Variants in ZNF385D observed in about 807,000 individuals in gnomAD.
ZNF385D encodes the protein zinc finger protein 385D.
Under a neutral mutation model 35.8 loss-of-function variants are expected in ZNF385D, and 15 were observed. That is an observed-to-expected ratio of 0.42 (90% CI 0.28 to 0.64). The LOEUF (loss-of-function observed/expected upper bound fraction) is 0.64. Among genes scored for constraint, ZNF385D ranks in the 30% least tolerant of loss-of-function variants. ZNF385D has a pLI of 0.23. For synonymous variants in ZNF385D, 212 were observed against 186.8 expected (o/e 1.13, Z -1.10); for missense variants, 474 against 494.6 (o/e 0.96, Z 0.39).
chr3:22,191,925 T>C (rs921192735), intron 2 of ZNF385D, among the ~76,000 whole-genome samples: 11 of 152,106 alleles, frequency 7.2e-5, no homozygotes, highest in African/African-American at 1.7e-4. Context: ...AAAACAATGG[T>C]AATTTCCAGA....
chr3:22,061,142 T>C (rs1482949862), intron 3 of ZNF385D, among the ~76,000 whole-genome samples: 1 of 151,596 alleles, frequency 6.6e-6, no homozygotes, highest in African/African-American at 2.4e-5. Flanking sequence ...AATTAAATAG[T>C]TGCAAAGAAT....
rs145504147 is a variant in ZNF385D at position 21,898,636 on chromosome 3, T to C, written c.326-233608A>G. ...TGTGAATGTGTCAGTTAGGAAGCAT[T>C]AGCCAAAGTAACACAAGCCAACTAA... On this transcript the variant is annotated intron_variant, in intron 3 of 5. Coordinates refer to the ZNF385D transcript ENST00000494108. 1.4e-3 allele frequency among the ~76,000 whole-genome samples: 214 copies of C among 152,270 alleles called. 2 individuals are homozygous for C. The highest frequency in any genetic ancestry group is 5.0e-3 in the African/African-American group (206 of 41,564).
chr3:21,928,951 G>A (rs1351351377), intron 3 of ZNF385D, among the ~76,000 whole-genome samples: 1 of 152,086 alleles, frequency 6.6e-6, no homozygotes, highest in South Asian at 2.1e-4. Context: ...AACAGAGAAG[G>A]TGAGAACATT....
At chr3:21,489,789 C>T (rs1056319729) in intron 4 of ZNF385D, among the ~76,000 whole-genome samples, 1 of 152,078 alleles carries the variant, frequency 6.6e-6, no homozygotes, top group African/African-American at 2.4e-5. Flanking sequence ...CTAGGAAGTT[C>T]CTGGTTCCAG....
At chr3:22,069,607 AT>A (rs1700134009) in intron 3 of ZNF385D, among the ~76,000 whole-genome samples, 2 of 152,158 alleles carry the variant, frequency 1.3e-5, no homozygotes, top group African/African-American at 4.8e-5. Flanking sequence ...ATCTAGTGGA[AT>A]TTTTTGGCCT....
chr3:22,306,704 A>G (rs888218545), intron 2 of ZNF385D, among the ~76,000 whole-genome samples: 2 of 152,078 alleles, frequency 1.3e-5, no homozygotes, highest in Non-Finnish European at 2.9e-5. Context: ...TTAGCATGAG[A>G]ATTGTCAGAG....
rs373751208 is a variant in ZNF385D at position 21,553,769 on chromosome 3, C to T, written c.276+10805G>A. On this transcript the variant is annotated intron_variant, in intron 3 of 7. Coordinates refer to ENST00000281523, the MANE Select transcript of ZNF385D (RefSeq NM_024697.3). The stretch of plus-strand genomic sequence containing the variant: ...TCTAAATTCTTTGTTGTCATTTCAA[C>T]AGCGTTCACAGCATCTTCATCAGCA... Among the ~76,000 whole-genome samples the T allele has an allele frequency of 3.2e-4, 49 of 152,284 alleles. 1 individual carries two copies. In the East Asian group the frequency reaches 7.5e-3, roughly 23 times the overall value.
At chr3:21,541,428 T>C (rs1048121331) in intron 3 of ZNF385D, among the ~76,000 whole-genome samples, 6 of 152,168 alleles carry the variant, frequency 3.9e-5, no homozygotes, top group Non-Finnish European at 8.8e-5. Context: ...TGGAGACACT[T>C]GAGAAAGGTA....
At chr3:21,799,083 C>T (rs2072282474) in intron 3 of ZNF385D, among the ~76,000 whole-genome samples, 1 of 152,122 alleles carries the variant, frequency 6.6e-6, no homozygotes, top group South Asian at 2.1e-4. Context: ...TGACGTAATT[C>T]ACTTAGCATG....
At chr3:22,252,262 G>A (rs1464775315) in intron 2 of ZNF385D, among the ~76,000 whole-genome samples, 4 of 151,926 alleles carry the variant, frequency 2.6e-5, no homozygotes, top group African/African-American at 7.2e-5. Context: ...TTGAGGGGAG[G>A]GGCACTGGTC....
chr3:21,885,748 G>C (rs932771087), intron 3 of ZNF385D, among the ~76,000 whole-genome samples: 2 of 138,290 alleles, frequency 1.4e-5, no homozygotes, highest in African/African-American at 5.8e-5. Flanking sequence ...GTCTGTGTGT[G>C]TGTGTGTGTG....
intron 3 of ZNF385D, among the ~76,000 whole-genome samples, chr3:21,864,044 C>T (rs1284495480): frequency 6.6e-6 from 1 of 152,046 alleles, no homozygotes; most frequent in African/African-American, 2.4e-5. Flanking sequence ...AAGTAGTTTC[C>T]TCACAATAAA....
At chr3:21,676,326 G>A (rs2066722475) in intron 1 of ZNF385D, among the ~76,000 whole-genome samples, 1 of 152,074 alleles carries the variant, frequency 6.6e-6, no homozygotes, top group Non-Finnish European at 1.5e-5. Context: ...GCTGACTTGA[G>A]CTCTGTTTAG....
At chr3:22,244,364 TAAAAAAAAA>T (rs34497539) in intron 2 of ZNF385D, among the ~76,000 whole-genome samples, 4 of 62,558 alleles carry the variant, frequency 6.4e-5, no homozygotes, top group Non-Finnish European at 9.4e-5. Context: ...CAACCGAATG[TAAAAAAAAA>T]AAAAAAAAAA....
chr3:21,839,978 TG>T (rs1303627665), intron 3 of ZNF385D, among the ~76,000 whole-genome samples: 2 of 152,108 alleles, frequency 1.3e-5, no homozygotes, highest in African/African-American at 2.4e-5. Context: ...GTTTGATGCT[TG>T]TGCCTATACT....
At chr3:22,299,457 A>G (rs1190326397) in intron 2 of ZNF385D, among the ~76,000 whole-genome samples, 2 of 151,812 alleles carry the variant, frequency 1.3e-5, no homozygotes, top group African/African-American at 4.8e-5. Flanking sequence ...AAAACAAATC[A>G]TAATTTGAAA....
chr3:21,976,495 A>G (rs543336623), intron 3 of ZNF385D, among the ~76,000 whole-genome samples: 1 of 152,290 alleles, frequency 6.6e-6, no homozygotes. Context: ...AATGATCTGG[A>G]AGATAGATCA....
At chr3:21,955,989 G>C (rs77674081) in intron 3 of ZNF385D, among the ~76,000 whole-genome samples, 293 of 152,012 alleles carry the variant, frequency 1.9e-3, no homozygotes, top group African/African-American at 6.7e-3. Flanking sequence ...TATATGAAAC[G>C]AGCTTGGAAA....
At chr3:21,653,404 G>C (rs2065979304) in intron 2 of ZNF385D, among the ~76,000 whole-genome samples, 1 of 151,858 alleles carries the variant, frequency 6.6e-6, no homozygotes, top group Non-Finnish European at 1.5e-5. Flanking sequence ...CAAGTCTCCT[G>C]ATACACATAT....
Sources: gnomAD v4.1 joint callset for allele counts (sites outside exome capture counted in the v4.1 genomes callset) on GRCh38, gnomAD v4.1.1 for gene constraint, MANE v1.5 for transcripts, NCBI Gene and HGNC (gene_info 2026-07-23, HGNC 2026-07-21) for gene names.